The following BSPH1 variants were observed in gnomAD, a reference collection of about 807,000 sequenced individuals.
BSPH1 encodes binder of sperm 1.
A neutral mutation model predicts 22.5 loss-of-function variants in BSPH1; 21 were observed. The ratio of observed to expected loss-of-function variants is 0.93; its 90% CI spans 0.66 to 1.35. The LOEUF is 1.35. Among genes scored for constraint, BSPH1 ranks in the 40% most tolerant of loss-of-function variants. BSPH1 has a pLI of 0.00. For missense variants in BSPH1, 141 were observed against 154.2 expected, an observed-to-expected ratio of 0.91 and a Z score of 0.45; for synonymous variants, 42 against 53.6, an observed-to-expected ratio of 0.78 and a Z score of 0.95.
chr19:47,986,121 G>A (rs1969468474), intron 1 of BSPH1, among the ~76,000 whole-genome samples: 1 of 152,158 alleles, frequency 6.6e-6, no homozygotes. Context: ...CCCTATCGTG[G>A]GGAATTGCTG....
At chr19:47,986,387 C>A (rs1049187402) in intron 1 of BSPH1, among the ~76,000 whole-genome samples, 5 of 152,248 alleles carry the variant, frequency 3.3e-5, no homozygotes, top group South Asian at 4.1e-4. Flanking sequence ...GGAGGCTCAT[C>A]CCCCAGACAG....
intron 5 of BSPH1, among the ~76,000 whole-genome samples, chr19:47,973,384 A>T (rs1479253398): frequency 1.3e-5 from 2 of 152,024 alleles, no homozygotes; most frequent in Non-Finnish European, 2.9e-5. Flanking sequence ...GTACCATCTC[A>T]TCAATCACCA....
intron 1 of BSPH1, among the ~76,000 whole-genome samples, chr19:47,984,518 G>T (rs532700442): frequency 2.0e-5 from 3 of 152,154 alleles, no homozygotes; most frequent in Admixed American, 2.0e-4. Flanking sequence ...AAATAAAAAT[G>T]AGTCTCATTT....
chr19:47,986,000 A>G (rs1969466986), intron 1 of BSPH1, among the ~76,000 whole-genome samples: 1 of 152,150 alleles, frequency 6.6e-6, no homozygotes, highest in Non-Finnish European at 1.5e-5. Context: ...AGTTGCCCGC[A>G]GGAGGATATA....
chr19:47,969,483 G>A (rs1310412920), intron 5 of BSPH1, among the ~76,000 whole-genome samples: 32 of 152,108 alleles, frequency 2.1e-4, no homozygotes, highest in Admixed American at 2.1e-3. Context: ...AAGTCATGAG[G>A]CTTTATAAGA....
At chr19:47,975,374 G>A (rs1278692820) in intron 5 of BSPH1, among the ~76,000 whole-genome samples, 2 of 151,988 alleles carry the variant, frequency 1.3e-5, no homozygotes, top group Non-Finnish European at 2.9e-5. Flanking sequence ...CTTACCGAAC[G>A]ATGCTCTGTG....
intron 1 of BSPH1, among the ~76,000 whole-genome samples, chr19:47,991,669 C>A (rs1233447983): frequency 8.9e-6 from 1 of 112,352 alleles, no homozygotes; most frequent in African/African-American, 3.2e-5. Context: ...GCTCCTCCTC[C>A]CCCTCCTCCT....
intron 1 of BSPH1, among the ~76,000 whole-genome samples, chr19:47,983,195 A>T (rs536251286): frequency 6.6e-6 from 1 of 152,224 alleles, no homozygotes; most frequent in African/African-American, 2.4e-5. Flanking sequence ...GCCTAGTGCT[A>T]GGTTCTGGGC....
At chr19:47,970,344 C>T (rs76111987) in intron 5 of BSPH1, among the ~76,000 whole-genome samples, 4,801 of 152,290 alleles carry the variant, frequency 0.032, 102 homozygotes, top group Middle Eastern at 0.041. Context: ...CAGGCATGAA[C>T]GACTGCGCCT....
chr19:47,987,723 G>A (rs148458915), intron 1 of BSPH1, among the ~76,000 whole-genome samples: 2 of 152,228 alleles, frequency 1.3e-5, no homozygotes, highest in African/African-American at 4.8e-5. Context: ...TTTAGGCAGG[G>A]CTGGGTGTGG....
chr19:47,985,605 C>T (rs1820689), intron 1 of BSPH1, among the ~76,000 whole-genome samples: 67,350 of 151,798 alleles, frequency 0.44, 15,234 homozygotes, highest in Middle Eastern at 0.5. Context: ...GAGGCCGAGG[C>T]GGGCAGATCA....
chr19:47,984,947 A>G (rs1969455358), intron 1 of BSPH1, among the ~76,000 whole-genome samples: 1 of 151,734 alleles, frequency 6.6e-6, no homozygotes, highest in Admixed American at 6.6e-5. Flanking sequence ...GGCGCCTGTA[A>G]TCCCAGCTAC....
At chr19:47,973,986 C>G (rs11879001) in intron 5 of BSPH1, among the ~76,000 whole-genome samples, 11,361 of 152,256 alleles carry the variant, frequency 0.075, 778 homozygotes, top group African/African-American at 0.18. Context: ...CATCGCCCTT[C>G]TCAGTGTGAT....
At chr19:47,991,204 A>C (rs1350523116) in intron 1 of BSPH1, among the ~76,000 whole-genome samples, 1 of 151,930 alleles carries the variant, frequency 6.6e-6, no homozygotes, top group Non-Finnish European at 1.5e-5. Flanking sequence ...AGCGCCGACC[A>C]CACCACCGAC....
chr19:47,983,173 A>G (rs1169221520), intron 1 of BSPH1, among the ~76,000 whole-genome samples: 1 of 152,222 alleles, frequency 6.6e-6, no homozygotes, highest in Non-Finnish European at 1.5e-5. Flanking sequence ...TTGAATGCCT[A>G]CTATGTGCCC....
chr19:47,974,255 T>TTCTCTC lies in BSPH1; in HGVS notation c.*2+2449_*2+2454dup, dbSNP rs757548658. On this transcript the variant is annotated intron_variant, in intron 5 of 5. Transcript: ENST00000344839. ...TGGATTGGTCACTTCCACAGCCACT[T>TTCTCTC]TCTCTCTCTCTCTCTTTTTTTTTTT... Among the ~76,000 whole-genome samples the TTCTCTC allele has an allele frequency of 3.1e-4, 42 of 133,502 alleles. 1 individual carries two copies. Among genetic ancestry groups the TTCTCTC allele is most frequent in the African/African-American group, 1.1e-3 (35 of 30,614 alleles). The allele number at this position is 133,502 out of a possible 152,430, so 87.6% of individuals were successfully genotyped here.
chr19:47,986,097 A>T (rs956631975), intron 1 of BSPH1, among the ~76,000 whole-genome samples: 1 of 152,166 alleles, frequency 6.6e-6, no homozygotes, highest in East Asian at 1.9e-4. Flanking sequence ...AGGGAAAAAA[A>T]GCTGCAGTGG....
chr19:47,979,938 T>A (rs1194659363), intron 2 of BSPH1, among the ~76,000 whole-genome samples: 1 of 152,176 alleles, frequency 6.6e-6, no homozygotes, highest in Non-Finnish European at 1.5e-5. Flanking sequence ...AACTATTGAC[T>A]GTTGTATGTT....
chr19:47,976,879 C>CAG, intron 4 of BSPH1, 25 bp from the exon 5 acceptor site: 1 of 1,550,144 alleles, frequency 6.5e-7, no homozygotes, highest in South Asian at 1.2e-5. Context: ...GAGGAAGAAG[C>CAG]AGAGTAAGAA....
Sources: allele counts gnomAD v4.1 joint callset (sites outside exome capture counted in the v4.1 genomes callset), GRCh38; gene constraint gnomAD v4.1.1; transcripts MANE v1.5; gene names NCBI Gene and HGNC (gene_info 2026-07-23, HGNC 2026-07-21).